RAPGEF2: variants seen among roughly 807,000 people sequenced by gnomAD.
The protein encoded by RAPGEF2 is PDZ domain containing guanine nucleotide exchange factor (GEF) 1.
RAPGEF2 carries 54 observed loss-of-function variants against 186.7 expected under a neutral mutation model. That is an observed-to-expected ratio of 0.29 (90% CI 0.23 to 0.36). The LOEUF is 0.36. Ranked by LOEUF, RAPGEF2 falls within the 10% of genes least tolerant of loss-of-function variation. The pLI is 1.00. For synonymous variants in RAPGEF2, 712 were observed against 705.9 expected, an observed-to-expected ratio of 1.01 and a Z score of -0.14; for missense variants, 1,532 against 2,045.0, an observed-to-expected ratio of 0.75 and a Z score of 4.84.
intron 1 of RAPGEF2, among the ~76,000 whole-genome samples, chr4:159,174,347 A>G (rs1260759207): frequency 1.4e-5 from 2 of 146,832 alleles, no homozygotes; most frequent in Non-Finnish European, 3.0e-5. Flanking sequence ...GAGAATGCAG[A>G]TTATAGATGA....
chr4:159,342,098 C>A, intron 20 of RAPGEF2, 151 bp downstream of exon 20: 1 of 804,008 alleles, frequency 1.2e-6, no homozygotes, highest in Non-Finnish European at 1.8e-6. Flanking sequence ...TAACCTTAAT[C>A]CTTAATTTAA....
At chr4:159,161,452 C>T (rs1353563325) in intron 1 of RAPGEF2, among the ~76,000 whole-genome samples, 1 of 152,140 alleles carries the variant, frequency 6.6e-6, no homozygotes, top group East Asian at 1.9e-4. Context: ...TGCCTGTAAT[C>T]CCAGCACTTT....
At chr4:159,251,344 G>T (rs980614336) in intron 7 of RAPGEF2, among the ~76,000 whole-genome samples, 1 of 152,254 alleles carries the variant, frequency 6.6e-6, no homozygotes, top group African/African-American at 2.4e-5. Flanking sequence ...AGCTCTGCCC[G>T]CGTCCCAGGC....
At position 159,358,156 on chromosome 4, in the gene RAPGEF2, GAAGCAGAGCGAGCCACCTGA is replaced by G; in HGVS notation, c.*21_*40del. On this transcript the variant is annotated 3_prime_UTR_variant, in exon 30 of 30. Transcript: ENST00000691494. ...GCTGTTTGAGGCACAGACTTTTCTGGAAGCAGAGCGAGCCACCTGAAAGGAGAGCACAAGAAGACGTCCTG... is the reference window on the plus strand; with the variant it reads ...GCTGTTTGAGGCACAGACTTTTCTGGAAGGAGAGCACAAGAAGACGTCCTG... 6.2e-7 allele frequency: 1 copy of G among 1,609,906 alleles called. No individual in the cohort carries two copies. Among genetic ancestry groups the G allele is most frequent in the African/African-American group, 1.3e-5 (1 of 74,954 alleles).
intron 1 of RAPGEF2, among the ~76,000 whole-genome samples, chr4:159,151,055 C>T (rs531001066): frequency 1.3e-5 from 2 of 152,222 alleles, no homozygotes; most frequent in African/African-American, 2.4e-5. Flanking sequence ...GCCCAAAATT[C>T]TTGGACAAAT....
chr4:159,292,634 A>G (rs1179047949), intron 7 of RAPGEF2, among the ~76,000 whole-genome samples: 3 of 152,152 alleles, frequency 2.0e-5, no homozygotes, highest in Non-Finnish European at 2.9e-5. Context: ...AAAAGACTAT[A>G]GCATAAATTT....
chr4:159,351,789 C>CAA (rs145718172), intron 26 of RAPGEF2, among the ~76,000 whole-genome samples: 2 of 141,448 alleles, frequency 1.4e-5, no homozygotes, highest in East Asian at 2.1e-4. Context: ...AGTAAAAATA[C>CAA]AAAAAAAAAA....
intron 7 of RAPGEF2, among the ~76,000 whole-genome samples, chr4:159,262,613 C>T (rs1756998136): frequency 6.6e-6 from 1 of 152,126 alleles, no homozygotes; most frequent in African/African-American, 2.4e-5. Context: ...TTTAAAAGCC[C>T]CACATGGGAA....
At position 159,352,690 on chromosome 4, in the gene RAPGEF2, A is replaced by C. The variant is rs780380781; in HGVS notation, c.3871A>C (p.Thr1291Pro). 6 of 1,611,620 alleles carry C rather than the reference A, an allele frequency of 3.7e-6. No homozygotes were observed. The highest frequency in any genetic ancestry group is 5.1e-6 in the Non-Finnish European group (6 of 1,177,712). Residue 1291 changes from threonine (T) to proline (P), a missense_variant, in exon 27 of 30, where the codon ACT becomes CCT. Transcript: ENST00000691494. ...SPQSSPRKGY[T>P]LAPSGTVDNF... is the part of the protein sequence containing the mutation. ...CGGTTGTATTTCTCATGCAGGCTAT[A>C]CTTTGGCTCCCAGTGGTACTGTGGA...
At chr4:159,184,398 C>T (rs1274298516) in intron 1 of RAPGEF2, among the ~76,000 whole-genome samples, 1 of 152,174 alleles carries the variant, frequency 6.6e-6, no homozygotes, top group Non-Finnish European at 1.5e-5. Flanking sequence ...TCCTCTCCAG[C>T]ACCTGTTGTT....
At chr4:159,333,013 C>G (rs1209316556) in intron 17 of RAPGEF2, among the ~76,000 whole-genome samples, 1 of 151,870 alleles carries the variant, frequency 6.6e-6, no homozygotes, top group East Asian at 1.9e-4. Flanking sequence ...GAGTCTCACT[C>G]TTATTGCCCA....
chr4:159,319,027 C>T (rs1049603938), intron 9 of RAPGEF2, among the ~76,000 whole-genome samples: 2 of 152,226 alleles, frequency 1.3e-5, no homozygotes, highest in African/African-American at 4.8e-5. Flanking sequence ...TTCTCCCATC[C>T]GTGGCTTCTT....
At chr4:159,342,299 C>T (rs1032710190) in intron 20 of RAPGEF2, among the ~76,000 whole-genome samples, 3 of 151,718 alleles carry the variant, frequency 2.0e-5, no homozygotes, top group African/African-American at 7.3e-5. Flanking sequence ...AACAATACCG[C>T]AAAGAGTTAT....
At position 159,343,381 on chromosome 4, in the gene RAPGEF2, C is replaced by T; in HGVS notation, c.3231C>T (p.Asp1077=). 6.2e-7 allele frequency: 1 copy of T among 1,614,008 alleles called. No homozygotes were observed. Among genetic ancestry groups the T allele is most frequent in the Non-Finnish European group, 8.5e-7 (1 of 1,179,930 alleles). The stretch of plus-strand genomic sequence containing the variant: ...GCCGAATGGCTTCAGTGAACATGGA[C>T]CCTGCCCTCATGTTCAGGACTCGGT... ...HVGRMASVNM[D]PALMFRTRKK... is the part of the protein sequence containing the mutation. The change falls in exon 22 of 30, where the codon GAC becomes GAT. Residue 1077 remains aspartate (D), a synonymous_variant. Coordinates refer to ENST00000691494, the MANE Select transcript of RAPGEF2 (RefSeq NM_001394067.2).
At chr4:159,354,321 C>G (rs148152036) in intron 28 of RAPGEF2, among the ~76,000 whole-genome samples, 1 of 152,250 alleles carries the variant, frequency 6.6e-6, no homozygotes, top group East Asian at 1.9e-4. Context: ...TGAATATTAT[C>G]TAGTCTAATT....
At position 159,359,023 on chromosome 4, in the gene RAPGEF2, G is replaced by A. The variant is rs1732434587; in HGVS notation, c.*884G>A. 6.6e-6 allele frequency: 1 copy of A among 152,232 alleles called. No individual in the cohort carries two copies. The highest frequency in any genetic ancestry group is 1.5e-5 in the Non-Finnish European group (1 of 68,058). The allele number at this position is 152,232 out of a possible 1,614,324, so 9.4% of individuals were successfully genotyped here. ...ACTAGGACCCTTGTGTCCTGTCTGA[G>A]CCTTATGGAGGCAGGACGGTGTCAT... On this transcript the variant is annotated 3_prime_UTR_variant, in exon 30 of 30. Transcript: ENST00000691494.
chr4:159,306,820 A>G (rs1048590871), intron 8 of RAPGEF2, among the ~76,000 whole-genome samples: 6 of 152,218 alleles, frequency 3.9e-5, no homozygotes, highest in African/African-American at 1.2e-4. Context: ...GAAGGGCCTA[A>G]TAAGACTGGA....
chr4:159,189,679 A>G (rs1331926024), intron 2 of RAPGEF2, among the ~76,000 whole-genome samples: 1 of 152,220 alleles, frequency 6.6e-6, no homozygotes, highest in Non-Finnish European at 1.5e-5. Flanking sequence ...ATAGGAACTC[A>G]GGGAAGGTCA....
At chr4:159,354,171 C>T (rs1208982848) in intron 28 of RAPGEF2, 125 bp downstream of exon 28, 1 of 1,057,350 alleles carries the variant, frequency 9.5e-7, no homozygotes, top group African/African-American at 1.6e-5. Context: ...TGTAGGACTT[C>T]CAAATTAGTG....
Sources: gnomAD v4.1 joint callset for allele counts (sites outside exome capture counted in the v4.1 genomes callset) on GRCh38, gnomAD v4.1.1 for gene constraint, MANE v1.5 for transcripts, NCBI Gene and HGNC (gene_info 2026-07-23, HGNC 2026-07-21) for gene names.